The following TENT4A variants were observed in gnomAD, a reference collection of about 807,000 sequenced individuals.
TENT4A encodes DNA polymerase kappa.
Under a neutral mutation model 72.8 loss-of-function variants are expected in TENT4A, and 7 were observed. The observed-to-expected ratio is 0.10, with a 90% CI of 0.05 to 0.18. The LOEUF (loss-of-function observed/expected upper bound fraction) is 0.18. TENT4A is among the 10% of genes least tolerant of loss of function. The pLI is 1.00. For missense variants in TENT4A, 831 were observed against 1,017.7 expected, an observed-to-expected ratio of 0.82 and a Z score of 2.50; for synonymous variants, 456 against 434.3, an observed-to-expected ratio of 1.05 and a Z score of -0.62.
chr5:6,717,626 G>C (rs1453306361), intron 1 of TENT4A, among the ~76,000 whole-genome samples: 1 of 152,252 alleles, frequency 6.6e-6, no homozygotes, highest in African/African-American at 2.4e-5. Context: ...TTTGGCTCTG[G>C]TTCTTGAATC....
intron 1 of TENT4A, among the ~76,000 whole-genome samples, chr5:6,715,287 G>T (rs1740310636): frequency 6.6e-6 from 1 of 152,194 alleles, no homozygotes; most frequent in South Asian, 2.1e-4. Context: ...AACCAGATTT[G>T]TCATATATGT....
chr5:6,742,430 G>A, intron 4 of TENT4A, 60 bp from the exon 5 acceptor site: 1 of 1,072,784 alleles, frequency 9.3e-7, no homozygotes. Flanking sequence ...GCAGCATTTT[G>A]ATGCCTGGCT....
chr5:6,719,283 T>C (rs1740533851), intron 1 of TENT4A, among the ~76,000 whole-genome samples: 1 of 152,238 alleles, frequency 6.6e-6, no homozygotes, highest in African/African-American at 2.4e-5. Flanking sequence ...ATAGTTATCC[T>C]TGGAAAATAA....
In TENT4A at chr5:6,730,095, G is replaced by GC. The variant is rs3215068; in HGVS notation, c.717-7406dup. On this transcript the variant is annotated intron_variant, in intron 1 of 12. Transcript: ENST00000230859. The stretch of plus-strand genomic sequence containing the variant: ...GAAGAGAAGATAATGTTGTTTCTCC[G>GC]CCCCCCCCCGGAGTGGCCCCAGGAC... Among the ~76,000 whole-genome samples, 1,296 of 151,100 alleles carry GC rather than the reference G, an allele frequency of 8.6e-3. 8 individuals carry two copies. The highest frequency in any genetic ancestry group is 0.021 in the African/African-American group (856 of 41,008).
intron 1 of TENT4A, chr5:6,715,256 A>T (rs956034755): frequency 7.2e-5 from 11 of 152,234 alleles, no homozygotes; most frequent in African/African-American, 2.7e-4. Flanking sequence ...GTTTATAAAC[A>T]TTGGCTTAAT....
At chr5:6,753,148 A>G (rs1742508039) in intron 12 of TENT4A, 111 bp downstream of exon 12, 1 of 1,156,494 alleles carries the variant, frequency 8.6e-7, no homozygotes, top group East Asian at 2.4e-5. Context: ...TTGAAAACGG[A>G]ATTTGCTTTG....
At position 6,714,322 on chromosome 5, in the gene TENT4A, G is replaced by GTCC; in HGVS notation, c.345_347dup (p.Ser117dup). 8.9e-7 allele frequency: 1 copy of GTCC among 1,117,372 alleles called. No individual in the cohort carries two copies. Among genetic ancestry groups the GTCC allele is most frequent in the Non-Finnish European group, 1.1e-6 (1 of 915,570 alleles). The allele number at this position is 1,117,372 out of a possible 1,614,324, so 69.2% of individuals were successfully genotyped here. On this transcript the variant is annotated inframe_insertion, in exon 1 of 13. Transcript: ENST00000230859. ...CGCCGTCGCTGTCGTCCTCGTCGTC[G>GTCC]TCCTCCTCGTCCAACGCGGAGTCGG... is the stretch of plus-strand genomic sequence containing the variant.
chr5:6,719,353 TAA>T (rs1740536888), intron 1 of TENT4A, among the ~76,000 whole-genome samples: 1 of 151,750 alleles, frequency 6.6e-6, no homozygotes, highest in Non-Finnish European at 1.5e-5. Flanking sequence ...AGTTGTGGAG[TAA>T]AGGTTAAGAA....
Position 6,719,929 on chromosome 5 carries a change from A to G in TENT4A, c.716+5230A>G, listed in dbSNP as rs190481848. On this transcript the variant is annotated intron_variant, in intron 1 of 12. Transcript: ENST00000230859. ...TCTGCTTAGGCTTTTGCAAGGCTGA[A>G]GTCAAGGTGTTGGCCAGCTGTGTTC... 3.3e-5 allele frequency among the ~76,000 whole-genome samples: 5 copies of G among 152,276 alleles called. No individual in the cohort carries two copies. The East Asian group carries it at 9.7e-4, about 29-fold the overall frequency.
At chr5:6,737,296 C>A (rs187865367) in intron 1 of TENT4A, among the ~76,000 whole-genome samples, 3 of 152,318 alleles carry the variant, frequency 2.0e-5, no homozygotes, top group African/African-American at 7.2e-5. Flanking sequence ...TTTATTGATA[C>A]TTGGTATTGA....
intron 4 of TENT4A, among the ~76,000 whole-genome samples, chr5:6,740,225 G>T (rs561054799): frequency 6.6e-6 from 1 of 152,224 alleles, no homozygotes; most frequent in South Asian, 2.1e-4. Context: ...ATTAAACCAT[G>T]GTTTTTATGA....
At chr5:6,741,041 G>A (rs1313859026) in intron 4 of TENT4A, among the ~76,000 whole-genome samples, 2 of 152,304 alleles carry the variant, frequency 1.3e-5, no homozygotes, top group Non-Finnish European at 2.9e-5. Context: ...GGAGGTGGGT[G>A]GGAATCCTGA....
chr5:6,743,683 A>AG, intron 5 of TENT4A, 29 bp from the exon 6 acceptor site: 1 of 1,538,664 alleles, frequency 6.5e-7, no homozygotes, highest in Non-Finnish European at 9.0e-7. Context: ...GTAATTACTC[A>AG]GTAAATCTTT....
intron 4 of TENT4A, among the ~76,000 whole-genome samples, chr5:6,740,963 G>T (rs1741771064): frequency 2.0e-5 from 3 of 152,238 alleles, no homozygotes. Flanking sequence ...ATTAGCCCAA[G>T]GTGGGTCAGC....
intron 12 of TENT4A, among the ~76,000 whole-genome samples, chr5:6,754,068 C>T (rs1391759142): frequency 6.6e-6 from 1 of 152,196 alleles, no homozygotes; most frequent in Non-Finnish European, 1.5e-5. Flanking sequence ...ATGCTGGGAT[C>T]GACAGGCTGC....
intron 10 of TENT4A, 89 bp downstream of exon 10, chr5:6,750,592 G>T (rs1299277669): frequency 7.8e-6 from 10 of 1,289,342 alleles, no homozygotes; most frequent in Non-Finnish European, 1.1e-5. Context: ...TCTCCCCCTT[G>T]GTTTTGCTCA....
At position 6,755,072 on chromosome 5, in the gene TENT4A, ACT is replaced by A. The variant is rs1742621456; in HGVS notation, c.*130_*131del. On this transcript the variant is annotated 3_prime_UTR_variant, in exon 13 of 13. Coordinates refer to ENST00000230859, the MANE Select transcript of TENT4A (RefSeq NM_006999.6). ...GCTCGCGGCACGCCCGCCGCTGATC[ACT>A]CTGCATGTTTCTTCGTGTGGTGGTC... The A allele has an allele frequency of 1.3e-5, 9 of 706,812 alleles. No homozygotes were observed. Among genetic ancestry groups the A allele is most frequent in the South Asian group, 1.0e-4 (4 of 39,964 alleles). 43.8% of individuals were successfully genotyped at this position (706,812 alleles called of 1,614,324 possible).
chr5:6,741,398 G>A (rs28363365), intron 4 of TENT4A, among the ~76,000 whole-genome samples: 16 of 152,248 alleles, frequency 1.1e-4, no homozygotes, highest in African/African-American at 3.9e-4. Flanking sequence ...GGTTCCTGCC[G>A]TGAGTGAGTG....
Position 6,713,902 on chromosome 5 carries a change from C to G in TENT4A, c.-82C>G. 2.2e-6 allele frequency: 1 copy of G among 452,652 alleles called. No individual in the cohort carries two copies. Among genetic ancestry groups the G allele is most frequent in the Non-Finnish European group, 2.9e-6 (1 of 346,290 alleles). 28.0% of individuals were successfully genotyped at this position (452,652 alleles called of 1,614,324 possible). ...AGGCCCGTCCGTCCGTCCGTGCGCG[C>G]GCGGCCGGGCCTCGGGGCGCGGCGG... On this transcript the variant is annotated 5_prime_UTR_variant, in exon 1 of 13. Coordinates refer to ENST00000230859, the MANE Select transcript of TENT4A (RefSeq NM_006999.6).
Sources: allele counts gnomAD v4.1 joint callset (sites outside exome capture counted in the v4.1 genomes callset), GRCh38; gene constraint gnomAD v4.1.1; transcripts MANE v1.5; gene names NCBI Gene and HGNC (gene_info 2026-07-23, HGNC 2026-07-21).